The following ZNF536 variants were observed in gnomAD, a reference collection of about 807,000 sequenced individuals.
ZNF536 encodes zinc finger protein 536.
A neutral mutation model predicts 84.5 loss-of-function variants in ZNF536; 13 were observed. That is an observed-to-expected ratio of 0.15 (90% CI 0.10 to 0.24). The LOEUF is 0.24. ZNF536 is among the 10% of genes least tolerant of loss of function. The pLI is 1.00. For synonymous variants in ZNF536, 811 were observed against 742.5 expected, an observed-to-expected ratio of 1.09 and a Z score of -1.50; for missense variants, 1,536 against 1,747.5, an observed-to-expected ratio of 0.88 and a Z score of 2.16.
intron 1 of ZNF536, among the ~76,000 whole-genome samples, chr19:30,237,472 A>T (rs979980180): frequency 1.3e-5 from 2 of 152,192 alleles, no homozygotes; most frequent in Non-Finnish European, 2.9e-5. Context: ...TGATAATTTG[A>T]GCTTAAACGT....
At chr19:30,234,995 C>T (rs1415079439) in intron 1 of ZNF536, among the ~76,000 whole-genome samples, 2 of 152,224 alleles carry the variant, frequency 1.3e-5, no homozygotes, top group Non-Finnish European at 2.9e-5. Flanking sequence ...ATTCAGCAGA[C>T]ATTCCTGCTT....
chr19:30,312,491 C>CT (rs1433253406), intron 2 of ZNF536, among the ~76,000 whole-genome samples: 1 of 152,182 alleles, frequency 6.6e-6, no homozygotes, highest in Non-Finnish European at 1.5e-5. Flanking sequence ...TCCTTGCGAT[C>CT]TTTTTTCTAG....
At chr19:30,336,686 G>A (rs1289981255) in intron 2 of ZNF536, among the ~76,000 whole-genome samples, 5 of 152,042 alleles carry the variant, frequency 3.3e-5, no homozygotes, top group Non-Finnish European at 7.4e-5. Flanking sequence ...CAGGAGGGAG[G>A]GTACATGCCT....
intron 1 of ZNF536, among the ~76,000 whole-genome samples, chr19:30,600,958 C>A (rs1194113362): frequency 1.3e-5 from 2 of 152,166 alleles, no homozygotes; most frequent in Non-Finnish European, 2.9e-5. Flanking sequence ...AATTGAGCAA[C>A]TACTTTCTGA....
At chr19:30,250,798 C>T (rs2024562364) in intron 1 of ZNF536, among the ~76,000 whole-genome samples, 1 of 151,674 alleles carries the variant, frequency 6.6e-6, no homozygotes, top group South Asian at 2.1e-4. Context: ...TATACAAGGA[C>T]CAAGTTAGTT....
At chr19:30,463,687 CTG>C (rs909212366) in intron 2 of ZNF536, among the ~76,000 whole-genome samples, 2 of 152,142 alleles carry the variant, frequency 1.3e-5, no homozygotes, top group Admixed American at 1.3e-4. Context: ...CAGCAGCCAA[CTG>C]GGATTTAGTC....
intron 1 of ZNF536, among the ~76,000 whole-genome samples, chr19:30,241,085 A>G (rs546762751): frequency 1.8e-4 from 28 of 152,272 alleles, no homozygotes; most frequent in African/African-American, 6.5e-4. Flanking sequence ...TGGGAGGTTG[A>G]GGTGGGAGGA....
intron 2 of ZNF536, among the ~76,000 whole-genome samples, chr19:30,303,829 C>G (rs151238067): frequency 2.6e-5 from 4 of 152,180 alleles, no homozygotes; most frequent in Admixed American, 2.6e-4. Flanking sequence ...CAGATACTAT[C>G]GGTGCCCCTT....
intron 2 of ZNF536, among the ~76,000 whole-genome samples, chr19:30,305,354 A>G (rs1045963619): frequency 6.6e-6 from 1 of 152,154 alleles, no homozygotes; most frequent in Admixed American, 6.5e-5. Flanking sequence ...AGTTTCCCCA[A>G]TTGTACAAAA....
intron 1 of ZNF536, among the ~76,000 whole-genome samples, chr19:30,667,390 C>G (rs923299578): frequency 2.6e-5 from 4 of 152,096 alleles, no homozygotes; most frequent in Non-Finnish European, 5.9e-5. Context: ...AGGGAGGGGG[C>G]ACCTGCACCC....
chr19:30,510,412 G>A (rs1277224623), intron 2 of ZNF536, among the ~76,000 whole-genome samples: 4 of 152,220 alleles, frequency 2.6e-5, no homozygotes, highest in Non-Finnish European at 5.9e-5. Context: ...CAACCACCTA[G>A]CCAGCCTCTG....
At chr19:30,636,867 G>A (rs1418730928) in intron 1 of ZNF536, among the ~76,000 whole-genome samples, 4 of 152,144 alleles carry the variant, frequency 2.6e-5, no homozygotes, top group African/African-American at 9.7e-5. Flanking sequence ...CCTTTCTCCT[G>A]TGCGTTCTGG....
At chr19:30,331,110 C>T (rs994890595) in intron 2 of ZNF536, among the ~76,000 whole-genome samples, 1 of 151,302 alleles carries the variant, frequency 6.6e-6, no homozygotes, top group African/African-American at 2.4e-5. Context: ...AGCAAAACCT[C>T]ATCTCTACAA....
chr19:30,625,939 G>T (rs965874141), intron 1 of ZNF536, among the ~76,000 whole-genome samples: 1 of 152,156 alleles, frequency 6.6e-6, no homozygotes, highest in African/African-American at 2.4e-5. Context: ...GAATTGAAAC[G>T]GTGGCAGTGG....
upstream of ZNF536, among the ~76,000 whole-genome samples, chr19:30,225,791 T>C (rs993659008): frequency 3.8e-4 from 56 of 149,242 alleles, no homozygotes; most frequent in African/African-American, 1.3e-3. Flanking sequence ...CAAAGTGAGT[T>C]TGGACTCTTG....
chr19:30,343,752 G>A lies in ZNF536; in HGVS notation c.-119-8616G>A, dbSNP rs564707898. ...CTTTTGCAAGTGGACCTTTCGATGC[G>A]AAACACTAGGAGATGGTAACCTATG... On this transcript the variant is annotated intron_variant, in intron 2 of 5. Transcript: ENST00000585628. Among the ~76,000 whole-genome samples the A allele has an allele frequency of 2.2e-3, 342 of 152,200 alleles. 3 individuals are homozygous for A. The South Asian group carries it at 0.026, about 12-fold the overall frequency.
intron 1 of ZNF536, among the ~76,000 whole-genome samples, chr19:30,373,879 G>A (rs1403501549): frequency 1.3e-5 from 2 of 152,170 alleles, no homozygotes; most frequent in Admixed American, 1.3e-4. Context: ...TGGGAGCCGG[G>A]GCCAAGGTGG....
intron 1 of ZNF536, among the ~76,000 whole-genome samples, chr19:30,610,369 C>T (rs2048062520): frequency 6.6e-6 from 1 of 152,142 alleles, no homozygotes; most frequent in Admixed American, 6.5e-5. Flanking sequence ...CTTCACATGG[C>T]AGGCTGGGCT....
intron 1 of ZNF536, among the ~76,000 whole-genome samples, chr19:30,432,006 T>TATATGTATATATATATATATATACAC (rs149223384): frequency 2.1e-5 from 3 of 145,988 alleles, no homozygotes; most frequent in African/African-American, 7.7e-5. Context: ...TATATATATA[T>TATATGTATATATATATATATATACAC]ACACACACAC....
Sources: gnomAD v4.1 joint callset for allele counts (sites outside exome capture counted in the v4.1 genomes callset) on GRCh38, gnomAD v4.1.1 for gene constraint, MANE v1.5 for transcripts, NCBI Gene and HGNC (gene_info 2026-07-23, HGNC 2026-07-21) for gene names.